The following TENM4 variants were observed in gnomAD, a reference collection of about 807,000 sequenced individuals.
TENM4 encodes teneurin transmembrane protein 4, also known as teneurin-4.
TENM4 carries 82 observed loss-of-function variants against 243.3 expected under a neutral mutation model. That is an observed-to-expected ratio of 0.34 (90% CI 0.28 to 0.40). TENM4 has a LOEUF of 0.40. Ranked by LOEUF, TENM4 falls within the 10% of genes least tolerant of loss-of-function variation. The probability of loss-of-function intolerance (pLI) is 1.00; values close to 1 mark genes in which losing one functional copy is unlikely to be tolerated. For synonymous variants in TENM4, 1,412 were observed against 1,456.3 expected, an observed-to-expected ratio of 0.97 and a Z score of 0.69; for missense variants, 3,138 against 3,673.3, an observed-to-expected ratio of 0.85 and a Z score of 3.77.
intron 2 of TENM4, among the ~76,000 whole-genome samples, chr11:79,252,075 A>G (rs769497237): frequency 9.9e-5 from 15 of 152,220 alleles, no homozygotes; most frequent in Non-Finnish European, 2.2e-4. Flanking sequence ...AAGGGCAAAG[A>G]AAAAATTGTA....
In TENM4 at chr11:79,083,136, A is replaced by AAGGGATTCT. The variant is rs1242560793; in HGVS notation, c.-65-13136_-65-13128dup. 3.3e-5 allele frequency among the ~76,000 whole-genome samples: 5 copies of AAGGGATTCT among 152,310 alleles called. No individual in the cohort carries two copies. In the South Asian group the frequency reaches 1.0e-3, roughly 32 times the overall value. On this transcript the variant is annotated intron_variant, in intron 4 of 33. Coordinates refer to ENST00000278550, the MANE Select transcript of TENM4 (RefSeq NM_001098816.3). The stretch of plus-strand genomic sequence containing the variant: ...TTAAGTCTTATAAGTGCCGTAAAGA[A>AAGGGATTCT]AGGGATTCTCCAGGGCAGTCTGAAT...
intron 1 of TENM4, among the ~76,000 whole-genome samples, chr11:79,329,188 G>A (rs1222202349): frequency 6.6e-6 from 1 of 152,198 alleles, no homozygotes; most frequent in Non-Finnish European, 1.5e-5. Flanking sequence ...CTCATGGCAT[G>A]TAGATTTCTG....
chr11:79,018,332 A>G (rs879431487), intron 6 of TENM4, among the ~76,000 whole-genome samples: 4 of 152,132 alleles, frequency 2.6e-5, no homozygotes, highest in African/African-American at 4.8e-5. Context: ...TTCTCTTGCC[A>G]GCAGCTGGCT....
intron 1 of TENM4, among the ~76,000 whole-genome samples, chr11:79,311,171 C>A (rs534612200): frequency 2.0e-5 from 3 of 152,158 alleles, no homozygotes; most frequent in Admixed American, 2.0e-4. Context: ...AGCTTCTGAC[C>A]GGACAAAATC....
rs184948406 is a variant in TENM4, at chr11:78,917,545, T to C, written c.494-14022A>G. 2.4e-3 allele frequency among the ~76,000 whole-genome samples: 368 copies of C among 152,280 alleles called. 7 individuals carry two copies. The highest frequency in any genetic ancestry group is 3.8e-4 in the Non-Finnish European group (26 of 68,016). On this transcript the variant is annotated intron_variant, in intron 6 of 33. Transcript: ENST00000278550. The stretch of plus-strand genomic sequence containing the variant: ...AGATCTTGGGCAGGTATTCCATCCA[T>C]CAATGTCCATAAGCCAAGTCATACT...
At position 78,880,457 on chromosome 11, in the gene TENM4, T is replaced by TAAAAAAAAAAAAAA. The variant is rs71763484; in HGVS notation, c.1084+9314_1084+9327dup. On this transcript the variant is annotated intron_variant, in intron 9 of 33. Coordinates refer to ENST00000278550, the MANE Select transcript of TENM4 (RefSeq NM_001098816.3). ...ACACCCAAGAATGATCAATAAATACTAAAAAAAAAAAAAAAAAAAAAAAAA... is the reference window on the plus strand; with the variant it reads ...ACACCCAAGAATGATCAATAAATACTAAAAAAAAAAAAAAAAAAAAAAAAAAAAAAAAAAAAAAA... 3.4e-4 allele frequency among the ~76,000 whole-genome samples: 36 copies of TAAAAAAAAAAAAAA among 104,606 alleles called. 3 individuals carry two copies. The highest frequency in any genetic ancestry group is 2.0e-3 in the African/African-American group (30 of 14,698). 68.6% of individuals were successfully genotyped at this position (104,606 alleles called of 152,430 possible). A position where few individuals can be genotyped will look rare whatever the true frequency, so the allele number is the denominator to read the frequency against.
At chr11:79,024,214 C>T (rs1859013709) in intron 6 of TENM4, among the ~76,000 whole-genome samples, 1 of 152,188 alleles carries the variant, frequency 6.6e-6, no homozygotes, top group African/African-American at 2.4e-5. Context: ...AGAATGTCCA[C>T]CTGCCTGTAA....
chr11:78,888,586 T>A (rs1293641046), intron 9 of TENM4, among the ~76,000 whole-genome samples: 1 of 152,212 alleles, frequency 6.6e-6, no homozygotes, highest in African/African-American at 2.4e-5. Context: ...CACTTCTCTA[T>A]CTCTTGAACA....
intron 6 of TENM4, among the ~76,000 whole-genome samples, chr11:79,021,378 G>A (rs981065384): frequency 5.3e-5 from 8 of 152,204 alleles, no homozygotes; most frequent in African/African-American, 1.7e-4. Context: ...CCTAAAAAAA[G>A]GATTCAAATG....
chr11:79,436,629 CACTATAGA>C (rs1451270211), intron 1 of TENM4, among the ~76,000 whole-genome samples: 1 of 152,184 alleles, frequency 6.6e-6, no homozygotes, highest in Non-Finnish European at 1.5e-5. Context: ...TCACTCCACT[CACTATAGA>C]ACTATCCTTT....
rs187041955 is a variant in TENM4 at position 79,340,646 on chromosome 11, C to G, written c.-320-43103G>C. Among the ~76,000 whole-genome samples the G allele has an allele frequency of 8.3e-4, 127 of 152,262 alleles. 1 individual carries two copies. Among genetic ancestry groups the G allele is most frequent in the African/African-American group, 2.9e-3 (121 of 41,552 alleles). ...CCACTTTTTCCCATTGCCATGAACT[C>G]CTTACCTTTCTCTATCCATGGCAGG... On this transcript the variant is annotated intron_variant, in intron 1 of 33. Coordinates refer to ENST00000278550, the MANE Select transcript of TENM4 (RefSeq NM_001098816.3).
At chr11:78,812,378 T>C in intron 13 of TENM4, 62 bp from the exon 14 acceptor site, 1 of 1,518,702 alleles carries the variant, frequency 6.6e-7, no homozygotes, top group Non-Finnish European at 8.9e-7. Context: ...ACTGCCTTTG[T>C]CTCTTTCTCC....
chr11:79,241,377 G>C (rs1186790436), intron 2 of TENM4, among the ~76,000 whole-genome samples: 1 of 151,876 alleles, frequency 6.6e-6, no homozygotes, highest in Non-Finnish European at 1.5e-5. Context: ...AGAGTGGGAG[G>C]GCCTCAGCAT....
chr11:79,105,960 C>T (rs1861355432), intron 4 of TENM4, among the ~76,000 whole-genome samples: 1 of 152,206 alleles, frequency 6.6e-6, no homozygotes, highest in Admixed American at 6.5e-5. Context: ...TTTTGCTTTT[C>T]CATGAAATCT....
chr11:79,394,172 T>C (rs2135545746), intron 1 of TENM4, among the ~76,000 whole-genome samples: 1 of 152,298 alleles, frequency 6.6e-6, no homozygotes, highest in Non-Finnish European at 1.5e-5. Context: ...TAAAAGTCAT[T>C]GTTTGCTACC....
At chr11:79,379,696 C>T (rs1857962687) in intron 1 of TENM4, among the ~76,000 whole-genome samples, 1 of 152,186 alleles carries the variant, frequency 6.6e-6, no homozygotes, top group African/African-American at 2.4e-5. Flanking sequence ...TGATTTCCCT[C>T]AGACCACACA....
Position 78,851,878 on chromosome 11 carries a change from G to A in TENM4, c.1681+2226C>T, listed in dbSNP as rs79780719. ...AAATACCAGAATCCTGAAAAACTAA[G>A]AGCTGGGAACCCCAAGTGATTTGTG... is the stretch of plus-strand genomic sequence containing the variant. On this transcript the variant is annotated intron_variant, in intron 12 of 33. Transcript: ENST00000278550. Among the ~76,000 whole-genome samples, 526 of 152,304 alleles carry A rather than the reference G, an allele frequency of 3.5e-3. 1 individual carries two copies. The highest frequency in any genetic ancestry group is 0.012 in the African/African-American group (501 of 41,552).
intron 6 of TENM4, among the ~76,000 whole-genome samples, chr11:79,009,490 G>A (rs1382764025): frequency 6.6e-6 from 1 of 152,224 alleles, no homozygotes; most frequent in Non-Finnish European, 1.5e-5. Flanking sequence ...TGCGACTAGA[G>A]TCCAAGGAAT....
intron 1 of TENM4, among the ~76,000 whole-genome samples, chr11:79,384,519 T>C (rs1858068479): frequency 6.6e-6 from 1 of 152,140 alleles, no homozygotes; most frequent in Admixed American, 6.5e-5. Flanking sequence ...TCAGTCCCAG[T>C]CTATCACTGA....
Sources: gnomAD v4.1 joint callset for allele counts (sites outside exome capture counted in the v4.1 genomes callset) on GRCh38, gnomAD v4.1.1 for gene constraint, MANE v1.5 for transcripts, NCBI Gene and HGNC (gene_info 2026-07-23, HGNC 2026-07-21) for gene names.